The following WWOX variants were observed in gnomAD, a reference collection of about 807,000 sequenced individuals.
The protein encoded by WWOX is WW domain containing oxidoreductase, also known as WW domain-containing oxidoreductase.
A neutral mutation model predicts 46.2 loss-of-function variants in WWOX; 69 were observed. That is an observed-to-expected ratio of 1.49 (90% confidence interval 1.23 to 1.82). The LOEUF (loss-of-function observed/expected upper bound fraction) is 1.82, where lower values mean the gene tolerates loss of function less well. Among genes scored for constraint, WWOX ranks in the 40% most tolerant of loss-of-function variants. WWOX has a pLI of 0.00. For missense variants in WWOX, 919 were observed against 542.6 expected, an observed-to-expected ratio of 1.69 and a Z score of -6.89; for synonymous variants, 359 against 202.6, an observed-to-expected ratio of 1.77 and a Z score of -6.56.
intron 8 of WWOX, among the ~76,000 whole-genome samples, chr16:78,693,701 C>A (rs990311152): frequency 1.2e-4 from 19 of 152,112 alleles, no homozygotes; most frequent in African/African-American, 2.9e-4. Flanking sequence ...AGGTGTGCTA[C>A]TAATCGCCCT....
intron 8 of WWOX, among the ~76,000 whole-genome samples, chr16:78,494,607 G>C (rs1041957797): frequency 1.2e-4 from 18 of 152,168 alleles, no homozygotes; most frequent in African/African-American, 4.3e-4. Context: ...GGAGTCTTCT[G>C]TGTGAACCCC....
At chr16:78,873,555 G>A (rs1379809435) in intron 8 of WWOX, 1 of 152,186 alleles carries the variant, frequency 6.6e-6, no homozygotes, top group Non-Finnish European at 1.5e-5. Flanking sequence ...TGGAGGCTGA[G>A]GTGGGAGGAT....
chr16:78,336,033 A>G (rs572914132), intron 5 of WWOX, among the ~76,000 whole-genome samples: 4 of 152,136 alleles, frequency 2.6e-5, no homozygotes, highest in Middle Eastern at 3.4e-3. Flanking sequence ...CAGATGTTGC[A>G]GTGAGCCGAG....
intron 8 of WWOX, among the ~76,000 whole-genome samples, chr16:79,091,112 T>C (rs899216691): frequency 1.3e-5 from 2 of 152,178 alleles, no homozygotes; most frequent in South Asian, 2.1e-4. Flanking sequence ...TTTACCCTGA[T>C]TGAGCGAGGG....
chr16:78,750,599 C>CAT (rs1271814459), intron 8 of WWOX, among the ~76,000 whole-genome samples: 2 of 152,022 alleles, frequency 1.3e-5, no homozygotes, highest in African/African-American at 4.8e-5. Flanking sequence ...AATTAGTAAA[C>CAT]ATAGTACTCA....
chr16:79,143,225 G>T (rs1333105794), intron 8 of WWOX, among the ~76,000 whole-genome samples: 2 of 152,132 alleles, frequency 1.3e-5, no homozygotes, highest in African/African-American at 2.4e-5. Flanking sequence ...GTCTTTCCCT[G>T]CTTCCCCCTC....
intron 8 of WWOX, among the ~76,000 whole-genome samples, chr16:79,058,914 A>G (rs570115498): frequency 6.6e-6 from 1 of 152,234 alleles, no homozygotes; most frequent in South Asian, 2.1e-4. Context: ...TACACTTTGG[A>G]CATGTCAAAA....
At chr16:78,673,528 C>T (rs900931712) in intron 8 of WWOX, among the ~76,000 whole-genome samples, 8 of 152,154 alleles carry the variant, frequency 5.3e-5, no homozygotes, top group Non-Finnish European at 1.2e-4. Context: ...GCCTTGCATA[C>T]TTGATTGGAA....
intron 8 of WWOX, among the ~76,000 whole-genome samples, chr16:78,650,775 C>T (rs2046949363): frequency 6.6e-6 from 1 of 152,144 alleles, no homozygotes; most frequent in African/African-American, 2.4e-5. Context: ...CATGTCTCCC[C>T]CTGTCCCACA....
intron 8 of WWOX, among the ~76,000 whole-genome samples, chr16:78,607,266 A>G (rs982072347): frequency 6.6e-6 from 1 of 152,190 alleles, no homozygotes; most frequent in Admixed American, 6.5e-5. Flanking sequence ...TATTTAATAA[A>G]CTATATTAAA....
At chr16:78,775,379 C>T (rs948351833) in intron 8 of WWOX, among the ~76,000 whole-genome samples, 3 of 152,144 alleles carry the variant, frequency 2.0e-5, no homozygotes, top group African/African-American at 4.8e-5. Context: ...GGCAACTTTT[C>T]GATGAGTAAA....
intron 5 of WWOX, among the ~76,000 whole-genome samples, chr16:78,363,533 C>T (rs571291694): frequency 6.6e-6 from 1 of 152,144 alleles, no homozygotes; most frequent in African/African-American, 2.4e-5. Flanking sequence ...CCCAGCTTGG[C>T]CTCCCAAAGT....
chr16:78,461,902 T>C (rs547350662), intron 8 of WWOX, among the ~76,000 whole-genome samples: 10 of 152,352 alleles, frequency 6.6e-5, no homozygotes, highest in African/African-American at 2.2e-4. Flanking sequence ...TAAGGAAATA[T>C]TGTTGTAAGA....
intron 8 of WWOX, among the ~76,000 whole-genome samples, chr16:78,498,025 A>G (rs1178177042): frequency 1.3e-5 from 2 of 151,970 alleles, no homozygotes; most frequent in Non-Finnish European, 2.9e-5. Flanking sequence ...ACATGGTGAA[A>G]TGCTGTCTCT....
At chr16:79,179,768 C>T (rs1349807332) in intron 8 of WWOX, among the ~76,000 whole-genome samples, 2 of 152,208 alleles carry the variant, frequency 1.3e-5, no homozygotes, top group South Asian at 2.1e-4. Flanking sequence ...AAGATCTCAA[C>T]CTTGAATCCC....
intron 8 of WWOX, among the ~76,000 whole-genome samples, chr16:78,929,403 G>C (rs888507640): frequency 1.3e-5 from 2 of 151,844 alleles, no homozygotes; most frequent in Non-Finnish European, 2.9e-5. Flanking sequence ...GATTTATAAA[G>C]ACATTACTAA....
chr16:78,522,109 G>A (rs577459246), intron 8 of WWOX, among the ~76,000 whole-genome samples: 3 of 148,382 alleles, frequency 2.0e-5, no homozygotes, highest in African/African-American at 7.5e-5. Flanking sequence ...ATATACAAGG[G>A]AATATGGAGG....
chr16:78,705,008 A>T (rs555184169), intron 8 of WWOX, among the ~76,000 whole-genome samples: 2 of 152,120 alleles, frequency 1.3e-5, no homozygotes, highest in Admixed American at 1.3e-4. Flanking sequence ...CATTTCTAGA[A>T]GTGCAACATT....
intron 8 of WWOX, among the ~76,000 whole-genome samples, chr16:78,601,469 A>G (rs1462144062): frequency 6.6e-6 from 1 of 151,614 alleles, no homozygotes; most frequent in African/African-American, 2.4e-5. Flanking sequence ...GAAAAAAACC[A>G]GAAAGGAGAA....
Sources: allele counts gnomAD v4.1 joint callset (sites outside exome capture counted in the v4.1 genomes callset), GRCh38; gene constraint gnomAD v4.1.1; transcripts MANE v1.5; gene names NCBI Gene and HGNC (gene_info 2026-07-23, HGNC 2026-07-21).